Variants in EIF4E3 observed in about 807,000 individuals in gnomAD.
EIF4E3 encodes the protein eukaryotic translation initiation factor 4E family member 3.
Under a neutral mutation model 31.7 loss-of-function variants are expected in EIF4E3, and 26 were observed. The ratio of observed to expected loss-of-function variants is 0.82; its 90% confidence interval spans 0.60 to 1.14. EIF4E3 has a LOEUF of 1.14. Ranked by LOEUF, EIF4E3 falls within the 50% of genes most tolerant of loss-of-function variation. The pLI, the probability that EIF4E3 is intolerant of heterozygous loss-of-function variation, is 0.00. For missense variants in EIF4E3, 304 were observed against 270.9 expected, an observed-to-expected ratio of 1.12 and a Z score of -0.86; for synonymous variants, 128 against 107.7, an observed-to-expected ratio of 1.19 and a Z score of -1.17.
the EIF4E3 span, among the ~76,000 whole-genome samples, chr3:71,668,418 C>T: frequency 6.6e-6 from 1 of 152,126 alleles, no homozygotes. Context: ...AACTAAAGAG[C>T]TTCTGCACAG....
chr3:71,738,011 A>C (rs1185959655), intron 1 of EIF4E3, among the ~76,000 whole-genome samples: 2 of 152,214 alleles, frequency 1.3e-5, no homozygotes, highest in Non-Finnish European at 2.9e-5. Context: ...AAAACCCTGA[A>C]CATTATATAA....
At chr3:71,712,216 G>A (rs1338590300) in intron 1 of EIF4E3, among the ~76,000 whole-genome samples, 1 of 152,146 alleles carries the variant, frequency 6.6e-6, no homozygotes, top group Non-Finnish European at 1.5e-5. Context: ...CAGACTTTAA[G>A]CCTAAAATAA....
chr3:71,742,510 A>G (rs920639974), intron 1 of EIF4E3, among the ~76,000 whole-genome samples: 4 of 152,146 alleles, frequency 2.6e-5, no homozygotes, highest in African/African-American at 9.6e-5. Context: ...TCCCCCAAAG[A>G]AAACTCCATG....
chr3:71,674,014 A>G (rs1032412522), downstream of EIF4E3, among the ~76,000 whole-genome samples: 4 of 145,862 alleles, frequency 2.7e-5, no homozygotes, highest in Non-Finnish European at 6.0e-5. Context: ...GAGTGTCTGC[A>G]ATCCAAGATG....
intron 1 of EIF4E3, among the ~76,000 whole-genome samples, chr3:71,712,188 A>T (rs2049389716): frequency 6.6e-6 from 1 of 152,142 alleles, no homozygotes; most frequent in Non-Finnish European, 1.5e-5. Flanking sequence ...AAACACCATG[A>T]CTGCATTTTG....
At chr3:71,697,122 C>A (rs1210539220) in intron 3 of EIF4E3, among the ~76,000 whole-genome samples, 1 of 151,596 alleles carries the variant, frequency 6.6e-6, no homozygotes, top group Non-Finnish European at 1.5e-5. Context: ...CTCAAGCAAT[C>A]CTCCGCCCTC....
At chr3:71,667,933 C>A in the EIF4E3 span, among the ~76,000 whole-genome samples, 1 of 152,118 alleles carries the variant, frequency 6.6e-6, no homozygotes, top group Non-Finnish European at 1.5e-5. Flanking sequence ...CAAAAAAGAG[C>A]CTGTATAGTC....
chr3:71,695,789 T>C (rs1194139180), intron 4 of EIF4E3, among the ~76,000 whole-genome samples: 1 of 152,180 alleles, frequency 6.6e-6, no homozygotes, highest in Non-Finnish European at 1.5e-5. Flanking sequence ...CCTTTGTCCA[T>C]TTTCAAAGAA....
chr3:71,729,222 A>T (rs2049676083), upstream of EIF4E3: 1 of 152,250 alleles, frequency 6.6e-6, no homozygotes, highest in African/African-American at 2.4e-5. Flanking sequence ...TGGGAGTCAC[A>T]GGAACAGCAG....
At chr3:71,660,505 G>A in the EIF4E3 span, among the ~76,000 whole-genome samples, 1 of 152,170 alleles carries the variant, frequency 6.6e-6, no homozygotes, top group Non-Finnish European at 1.5e-5. Flanking sequence ...CCTCTGAATG[G>A]AGAGAGAGCG....
At chr3:71,742,209 A>G (rs1424393006) in intron 1 of EIF4E3, among the ~76,000 whole-genome samples, 1 of 152,134 alleles carries the variant, frequency 6.6e-6, no homozygotes, top group Non-Finnish European at 1.5e-5. Flanking sequence ...AATGAAAGTA[A>G]AAATCTGGTT....
chr3:71,666,683 T>C, the EIF4E3 span, among the ~76,000 whole-genome samples: 1 of 152,178 alleles, frequency 6.6e-6, no homozygotes, highest in African/African-American at 2.4e-5. Context: ...CTGCCTGTAA[T>C]CCCAGCACTT....
Position 71,680,808 on chromosome 3 carries a change from T to C in EIF4E3, c.*3874A>G, listed in dbSNP as rs2048914012. On this transcript the variant is annotated 3_prime_UTR_variant, in exon 7 of 7. Coordinates refer to ENST00000425534, the MANE Select transcript of EIF4E3 (RefSeq NM_001134651.2). ...TTTACAATCCTGAGTCACCAAACTC[T>C]TGAGTAATTTTAACTGATCTCAATA... is the stretch of plus-strand genomic sequence containing the variant. The C allele has an allele frequency of 6.6e-6, 1 of 152,200 alleles. No homozygotes were observed. The highest frequency in any genetic ancestry group is 1.5e-5 in the Non-Finnish European group (1 of 68,046). The allele number at this position is 152,200 out of a possible 1,614,324, so 9.4% of individuals were successfully genotyped here.
In EIF4E3 at chr3:71,677,305, C is replaced by T. The variant is rs2048881597; in HGVS notation, c.*7377G>A. The T allele has an allele frequency of 6.6e-6, 1 of 152,116 alleles. No homozygotes were observed. The highest frequency in any genetic ancestry group is 2.4e-5 in the African/African-American group (1 of 41,422). The allele number at this position is 152,116 out of a possible 1,614,324, so 9.4% of individuals were successfully genotyped here. A position where few individuals can be genotyped will look rare whatever the true frequency, so the allele number is the denominator to read the frequency against. On this transcript the variant is annotated 3_prime_UTR_variant, in exon 7 of 7. Transcript: ENST00000425534. ...TTCTTTTCTTCATGTAACAAAAGAA[C>T]CATCGTCTTGTAGGATTCCAGAGAT...
At chr3:71,727,365 T>C (rs115040214), upstream of EIF4E3, among the ~76,000 whole-genome samples, 130 of 152,366 alleles carry the variant, frequency 8.5e-4, no homozygotes, top group African/African-American at 3.0e-3. Context: ...CTGTACCTTC[T>C]TATTTCACTT....
intron 3 of EIF4E3, among the ~76,000 whole-genome samples, chr3:71,697,062 C>CTGGA (rs1388594562): frequency 6.6e-6 from 1 of 152,008 alleles, no homozygotes; most frequent in Admixed American, 6.6e-5. Flanking sequence ...GTCACCCAGG[C>CTGGA]TGGAGTGCAG....
chr3:71,750,942 T>C (rs943557402), intron 1 of EIF4E3, among the ~76,000 whole-genome samples: 4 of 151,946 alleles, frequency 2.6e-5, no homozygotes, highest in Non-Finnish European at 5.9e-5. Context: ...TTTTTGCATT[T>C]TAATAGAGAC....
the EIF4E3 span, among the ~76,000 whole-genome samples, chr3:71,670,312 CT>C: frequency 6.6e-6 from 1 of 152,158 alleles, no homozygotes; most frequent in Non-Finnish European, 1.5e-5. Flanking sequence ...TGTTGTACCA[CT>C]TGAGATAAGG....
At chr3:71,663,399 C>T in the EIF4E3 span, among the ~76,000 whole-genome samples, 1 of 152,304 alleles carries the variant, frequency 6.6e-6, no homozygotes, top group African/African-American at 2.4e-5. Flanking sequence ...AATCAAGAAT[C>T]AGCTTATCCT....
Sources: gnomAD v4.1 joint callset for allele counts (sites outside exome capture counted in the v4.1 genomes callset) on GRCh38, gnomAD v4.1.1 for gene constraint, MANE v1.5 for transcripts, NCBI Gene and HGNC (gene_info 2026-07-23, HGNC 2026-07-21) for gene names.